Variants in SRBD1 observed in about 807,000 individuals in gnomAD.
SRBD1 encodes S1 RNA-binding domain-containing protein 1.
Under a neutral mutation model 115.3 loss-of-function variants are expected in SRBD1, and 88 were observed. The observed-to-expected ratio is 0.76, with a 90% CI of 0.64 to 0.91. The LOEUF is 0.91. Ranked by LOEUF, SRBD1 falls within the 40% of genes least tolerant of loss-of-function variation. SRBD1 has a pLI of 0.00. For missense variants in SRBD1, 1,385 were observed against 1,177.4 expected (o/e 1.18, Z -2.58); for synonymous variants, 509 against 407.7 (o/e 1.25, Z -2.99).
At chr2:45,545,315 A>AAAAAAAAAAAAAAAAAAAAAAAAC (rs1209226372) in intron 14 of SRBD1, among the ~76,000 whole-genome samples, 1 of 123,574 alleles carries the variant, frequency 8.1e-6, no homozygotes, top group African/African-American at 2.8e-5. Flanking sequence ...AAAAAAAAAA[A>AAAAAAAAAAAAAAAAAAAAAAAAC]CAGATGAACC....
At chr2:45,576,222 A>AT (rs1238552432) in intron 7 of SRBD1, among the ~76,000 whole-genome samples, 2 of 152,058 alleles carry the variant, frequency 1.3e-5, no homozygotes, top group Non-Finnish European at 2.9e-5. Flanking sequence ...CAGTAAATAT[A>AT]TTTTTTCCTT....
intron 4 of SRBD1, among the ~76,000 whole-genome samples, chr2:45,590,071 T>C (rs902400560): frequency 2.6e-5 from 4 of 152,204 alleles, no homozygotes; most frequent in Non-Finnish European, 4.4e-5. Flanking sequence ...GAACAGAGAA[T>C]AACATCAAAA....
chr2:45,397,075 C>G (rs760899655), intron 19 of SRBD1, among the ~76,000 whole-genome samples: 2 of 151,986 alleles, frequency 1.3e-5, no homozygotes, highest in Non-Finnish European at 1.5e-5. Flanking sequence ...AATGGAGTAA[C>G]GCAACAAGCA....
rs1477284408 is a variant in SRBD1, at chr2:45,521,110, T to C, written c.1874+25622A>G. On this transcript the variant is annotated intron_variant, in intron 14 of 20. Transcript: ENST00000263736. ...AAGAGGTTTGAACAGCGGCAGCAAC[T>C]AAACAGACAAGCCACACCCCTGTCG... 2.0e-5 allele frequency among the ~76,000 whole-genome samples: 3 copies of C among 152,110 alleles called. No homozygotes were observed. In the East Asian group the frequency reaches 5.8e-4, roughly 29 times the overall value.
At chr2:45,579,844 C>T in intron 7 of SRBD1, 31 bp downstream of exon 7, 1 of 1,402,776 alleles carries the variant, frequency 7.1e-7, no homozygotes, top group Non-Finnish European at 9.3e-7. Flanking sequence ...AAAAAAGAAA[C>T]AAAGTTGATC....
At chr2:45,397,573 T>C (rs1667182247) in intron 19 of SRBD1, among the ~76,000 whole-genome samples, 1 of 152,142 alleles carries the variant, frequency 6.6e-6, no homozygotes, top group Non-Finnish European at 1.5e-5. Context: ...GGGACAGCAA[T>C]GTGAACTGCA....
At chr2:45,521,924 T>C (rs1671297080) in intron 14 of SRBD1, among the ~76,000 whole-genome samples, 3 of 151,298 alleles carry the variant, frequency 2.0e-5, no homozygotes, top group Admixed American at 2.0e-4. Flanking sequence ...GCCATGATCA[T>C]GCCACTGCAC....
At chr2:45,450,446 G>C (rs879315507) in intron 16 of SRBD1, among the ~76,000 whole-genome samples, 1 of 152,170 alleles carries the variant, frequency 6.6e-6, no homozygotes, top group South Asian at 2.1e-4. Context: ...TACAGCTTTA[G>C]TAGTAACATG....
intron 16 of SRBD1, chr2:45,447,552 T>C (rs1014940917): frequency 1.3e-5 from 2 of 152,210 alleles, no homozygotes; most frequent in Non-Finnish European, 2.9e-5. Context: ...TTGGAACACA[T>C]TATTTTCTGT....
intron 16 of SRBD1, among the ~76,000 whole-genome samples, chr2:45,471,702 GT>G (rs1669653946): frequency 6.6e-6 from 1 of 152,136 alleles, no homozygotes; most frequent in Non-Finnish European, 1.5e-5. Flanking sequence ...TTACTTAATT[GT>G]TAGGTTGAAA....
At chr2:45,464,696 T>C (rs1208102862) in intron 16 of SRBD1, among the ~76,000 whole-genome samples, 1 of 152,122 alleles carries the variant, frequency 6.6e-6, no homozygotes, top group African/African-American at 2.4e-5. Context: ...GGCTTGAAAT[T>C]CACACAGGTA....
At chr2:45,604,982 T>C (rs976241938) in intron 2 of SRBD1, among the ~76,000 whole-genome samples, 30 of 152,308 alleles carry the variant, frequency 2.0e-4, no homozygotes, top group Admixed American at 8.5e-4. Context: ...AGGCCAAGGA[T>C]GCTGCTAAAA....
At chr2:45,416,153 T>C (rs1234546476) in intron 18 of SRBD1, among the ~76,000 whole-genome samples, 1 of 151,922 alleles carries the variant, frequency 6.6e-6, no homozygotes, top group East Asian at 1.9e-4. Flanking sequence ...CCCAAACATA[T>C]AAATAAATAC....
chr2:45,545,283 T>TAAAAAAAAAAAAAAAAAAAAA lies in SRBD1; in HGVS notation c.1874+1428_1874+1448dup, dbSNP rs56909656. On this transcript the variant is annotated intron_variant, in intron 14 of 20. Transcript: ENST00000263736. The stretch of plus-strand genomic sequence containing the variant: ...TGACAGAGCGAGACTCTGTCTCAAT[T>TAAAAAAAAAAAAAAAAAAAAA]AAAAAAAAAAAAAAAAAAAAAAAAA... 2.3e-4 allele frequency among the ~76,000 whole-genome samples: 16 copies of TAAAAAAAAAAAAAAAAAAAAA among 68,572 alleles called. 1 individual carries two copies. The highest frequency in any genetic ancestry group is 6.8e-4 in the African/African-American group (10 of 14,778). The allele number at this position is 68,572 out of a possible 152,430, so 45.0% of individuals were successfully genotyped here. A position where few individuals can be genotyped will look rare whatever the true frequency, so the allele number is the denominator to read the frequency against.
At chr2:45,417,059 TG>T (rs1434080443) in intron 18 of SRBD1, among the ~76,000 whole-genome samples, 1 of 152,204 alleles carries the variant, frequency 6.6e-6, no homozygotes, top group Non-Finnish European at 1.5e-5. Flanking sequence ...TCTAACCAAG[TG>T]TTCAAAGAAC....
In SRBD1 at chr2:45,573,330, T is replaced by C; in HGVS notation, c.1182A>G (p.Arg394=). Residue 394 remains arginine (R), a synonymous_variant, in exon 9 of 21, where the codon AGA becomes AGG. Transcript: ENST00000263736. ...LDFIRNLCQK[R]HVCIQSSLAK... ...CCAGAGATGACTGGATACAAACATG[T>C]CTCTTCTGGCACCTGTTCAGATACA... The C allele has an allele frequency of 6.2e-7, 1 of 1,609,576 alleles. No homozygotes were observed. Among genetic ancestry groups the C allele is most frequent in the Non-Finnish European group, 8.5e-7 (1 of 1,178,634 alleles).
intron 19 of SRBD1, among the ~76,000 whole-genome samples, chr2:45,410,195 A>C (rs1667557675): frequency 1.3e-5 from 2 of 152,210 alleles, no homozygotes; most frequent in South Asian, 2.1e-4. Context: ...AACCACATAG[A>C]TCTTTCCACA....
chr2:45,529,840 C>T (rs1671559151), intron 14 of SRBD1, among the ~76,000 whole-genome samples: 1 of 151,976 alleles, frequency 6.6e-6, no homozygotes, highest in South Asian at 2.1e-4. Flanking sequence ...AGAAAGACTT[C>T]CTCAAAGCAT....
At chr2:45,441,412 A>G (rs1168582726) in intron 16 of SRBD1, among the ~76,000 whole-genome samples, 2 of 152,188 alleles carry the variant, frequency 1.3e-5, no homozygotes, top group African/African-American at 4.8e-5. Flanking sequence ...ACAGGTGTGT[A>G]TGTGTGTAAG....
Sources: allele counts gnomAD v4.1 joint callset (sites outside exome capture counted in the v4.1 genomes callset), GRCh38; gene constraint gnomAD v4.1.1; transcripts MANE v1.5; gene names NCBI Gene and HGNC (gene_info 2026-07-23, HGNC 2026-07-21).